Variants in TACC1 observed in about 807,000 individuals in gnomAD.
The protein encoded by TACC1 is transforming acidic coiled-coil containing protein 1.
In TACC1, 48 loss-of-function variants were observed where a neutral mutation model predicts 84.4. The ratio of observed to expected loss-of-function variants is 0.57; its 90% CI spans 0.45 to 0.72. The LOEUF (loss-of-function observed/expected upper bound fraction) is 0.72, where lower values mean the gene tolerates loss of function less well. TACC1 is among the 30% of genes least tolerant of loss of function. The probability of loss-of-function intolerance (pLI) is 0.00; values close to 1 mark genes in which losing one functional copy is unlikely to be tolerated. For synonymous variants in TACC1, 372 were observed against 376.3 expected, an observed-to-expected ratio of 0.99 and a Z score of 0.13; for missense variants, 920 against 973.0, an observed-to-expected ratio of 0.95 and a Z score of 0.72.
At chr8:38,840,174 C>G in intron 8 of TACC1, 50 bp from the exon 9 acceptor site, 3 of 1,424,596 alleles carry the variant, frequency 2.1e-6, no homozygotes, top group South Asian at 2.3e-5. Flanking sequence ...CTCCAACTTT[C>G]ATTGTCTGAA....
At chr8:38,774,277 A>G (rs541147880) in intron 3 of TACC1, among the ~76,000 whole-genome samples, 100 of 152,274 alleles carry the variant, frequency 6.6e-4, no homozygotes, top group Admixed American at 2.6e-3. Flanking sequence ...CATACATGAC[A>G]ATTTATATAT....
chr8:38,787,688 G>C lies in TACC1; in HGVS notation c.106G>C (p.Glu36Gln). The change falls in exon 1 of 13, where the codon GAG becomes CAG. Residue 36 changes from glutamate to glutamine, a missense_variant. Glu to Gln is a conservative substitution (Grantham distance 29). Around this residue, in one of 2 missense-constraint regions of TACC1, gnomAD observed 762 missense variants for 747.3 expected, o/e 1.02. Transcript: ENST00000317827. ...CGGCGAGGACGAGGCTGGCGGGCCC[G>C]AGGGCGACCCCGAGGAGGAGGATTC... ...AAGEDEAGGPEGDPEEEDSQA... is the reference protein window; with the variant it reads ...AAGEDEAGGPQGDPEEEDSQA... 1 of 1,542,864 alleles carries C rather than the reference G, an allele frequency of 6.5e-7. No homozygotes were observed. The highest frequency in any genetic ancestry group is 8.7e-7 in the Non-Finnish European group (1 of 1,149,674).
At chr8:38,772,434 G>T (rs778952190) in intron 3 of TACC1, among the ~76,000 whole-genome samples, 2 of 152,346 alleles carry the variant, frequency 1.3e-5, no homozygotes, top group South Asian at 4.1e-4. Context: ...TGCTCATCAC[G>T]GTTTCATTTA....
chr8:38,786,407 C>G (rs966705516), upstream of TACC1, among the ~76,000 whole-genome samples: 4 of 152,062 alleles, frequency 2.6e-5, no homozygotes, highest in Admixed American at 2.0e-4. Flanking sequence ...AAGAAAATCT[C>G]AAAAAGGAGA....
intron 2 of TACC1, among the ~76,000 whole-genome samples, chr8:38,790,674 A>C (rs945942070): frequency 3.3e-5 from 5 of 152,218 alleles, no homozygotes; most frequent in Admixed American, 3.3e-4. Flanking sequence ...AGGGAAGTCA[A>C]GTTACTCTGG....
At chr8:38,732,611 A>G (rs1040955010) in intron 1 of TACC1, among the ~76,000 whole-genome samples, 4 of 152,306 alleles carry the variant, frequency 2.6e-5, no homozygotes, top group African/African-American at 7.2e-5. Context: ...TTGACTGAGC[A>G]CTTACTATGA....
intron 3 of TACC1, among the ~76,000 whole-genome samples, chr8:38,758,717 T>C (rs1358659920): frequency 1.4e-5 from 2 of 147,094 alleles, no homozygotes; most frequent in African/African-American, 5.0e-5. Context: ...TGAGATTTAC[T>C]GAGCACATGA....
At chr8:38,734,200 TTTG>T (rs558366819) in intron 1 of TACC1, among the ~76,000 whole-genome samples, 31 of 152,168 alleles carry the variant, frequency 2.0e-4, no homozygotes, top group Non-Finnish European at 1.6e-4. Flanking sequence ...TGTTTGTTTG[TTTG>T]TTTTTTCTAG....
chr8:38,835,768 C>G (rs1268702558), intron 6 of TACC1, among the ~76,000 whole-genome samples: 1 of 152,230 alleles, frequency 6.6e-6, no homozygotes, highest in Admixed American at 6.5e-5. Flanking sequence ...GCAGCTGTCA[C>G]TTGTTTTTGT....
intron 2 of TACC1, among the ~76,000 whole-genome samples, chr8:38,806,452 GTGTGTGTGTA>G (rs1822730870): frequency 6.6e-6 from 1 of 152,020 alleles, no homozygotes; most frequent in Non-Finnish European, 1.5e-5. Context: ...GTCTGCCTGT[GTGTGTGTGTA>G]TGTGTGTGTG....
intron 2 of TACC1, among the ~76,000 whole-genome samples, chr8:38,811,189 T>TAA (rs59003979): frequency 1.4e-5 from 2 of 144,620 alleles, no homozygotes; most frequent in Non-Finnish European, 3.0e-5. Context: ...ATGGAATGAT[T>TAA]AAAAAAAAAA....
At chr8:38,737,204 C>T (rs1416017106) in intron 1 of TACC1, among the ~76,000 whole-genome samples, 1 of 152,180 alleles carries the variant, frequency 6.6e-6, no homozygotes, top group Non-Finnish European at 1.5e-5. Context: ...AGGACTTCTC[C>T]TCCGTGCCTC....
intron 3 of TACC1, among the ~76,000 whole-genome samples, chr8:38,770,917 G>A (rs1024091593): frequency 6.6e-6 from 1 of 152,108 alleles, no homozygotes; most frequent in African/African-American, 2.4e-5. Flanking sequence ...CCAGGCTGAG[G>A]AATGTTGCCT....
rs778928505 is a variant in TACC1, at chr8:38,820,419, C to T, written c.1175C>T (p.Pro392Leu). The part of the protein sequence containing the change: ...SKPDPSQWES[P>L]SFNPFGSHSV... ...CCAGATCCTAGTCAGTGGGAAAGCCCCAGCTTCAACCCCTTTGGGAGCCAC... is the reference window on the plus strand; with the variant it reads ...CCAGATCCTAGTCAGTGGGAAAGCCTCAGCTTCAACCCCTTTGGGAGCCAC... The change falls in exon 3 of 13, where the codon CCC (proline) becomes CTC (leucine). Residue 392 changes from proline (P) to leucine (L), a missense_variant. Physicochemically the swap from Pro to Leu is moderately conservative, Grantham distance 98. This residue lies in a region of TACC1 where 762 missense variants were observed against 747.3 expected (regional missense o/e 1.02). Coordinates refer to ENST00000317827, the MANE Select transcript of TACC1 (RefSeq NM_006283.3). The T allele has an allele frequency of 4.3e-6, 7 of 1,614,024 alleles. 1 individual carries two copies. The highest frequency in any genetic ancestry group is 1.7e-5 in the Admixed American group (1 of 59,998).
At chr8:38,770,193 TGAGCTAA>T (rs1340429858) in intron 3 of TACC1, among the ~76,000 whole-genome samples, 1 of 152,054 alleles carries the variant, frequency 6.6e-6, no homozygotes, top group Non-Finnish European at 1.5e-5. Flanking sequence ...GCTTCCCTGC[TGAGCTAA>T]GAGCCCTCTT....
chr8:38,782,109 C>G (rs1382597494), intron 3 of TACC1, among the ~76,000 whole-genome samples: 1 of 150,814 alleles, frequency 6.6e-6, no homozygotes, highest in Non-Finnish European at 1.5e-5. Context: ...CATGCTGGTG[C>G]GCTGCACCCA....
intron 3 of TACC1, among the ~76,000 whole-genome samples, chr8:38,750,005 A>G (rs1808749143): frequency 6.6e-6 from 1 of 152,198 alleles, no homozygotes; most frequent in Non-Finnish European, 1.5e-5. Flanking sequence ...ACTTAGAGGG[A>G]AATTTATCAT....
intron 3 of TACC1, among the ~76,000 whole-genome samples, chr8:38,751,855 C>A (rs565778482): frequency 1.3e-5 from 2 of 152,162 alleles, no homozygotes; most frequent in East Asian, 3.9e-4. Flanking sequence ...AAGTGCCTAG[C>A]CATAGGGTTG....
chr8:38,842,030 A>G (rs1236950043), intron 9 of TACC1, among the ~76,000 whole-genome samples: 1 of 151,994 alleles, frequency 6.6e-6, no homozygotes, highest in Non-Finnish European at 1.5e-5. Flanking sequence ...TGTCCGGTCT[A>G]TGCTCAGATC....
Sources: gnomAD v4.1 joint callset for allele counts (sites outside exome capture counted in the v4.1 genomes callset) on GRCh38, gnomAD v4.1.1 for gene constraint, gnomAD v4.1.1 regional missense constraint, MANE v1.5 for transcripts, NCBI Gene and HGNC (gene_info 2026-07-23, HGNC 2026-07-21) for gene names.